The following NRF1 variants were observed in gnomAD, a reference collection of about 807,000 sequenced individuals.
The protein encoded by NRF1 is nuclear respiratory factor 1.
A neutral mutation model predicts 58.5 loss-of-function variants in NRF1; 5 were observed. The observed-to-expected ratio is 0.09, with a 90% confidence interval of 0.04 to 0.18. The LOEUF is 0.18. NRF1 is among the 10% of genes least tolerant of loss of function. The pLI is 1.00. For synonymous variants in NRF1, 224 were observed against 246.7 expected, an observed-to-expected ratio of 0.91 and a Z score of 0.86; for missense variants, 288 against 657.7, an observed-to-expected ratio of 0.44 and a Z score of 6.15.
At chr7:129,725,232 C>T (rs2116243792) in intron 9 of NRF1, among the ~76,000 whole-genome samples, 1 of 152,202 alleles carries the variant, frequency 6.6e-6, no homozygotes, top group African/African-American at 2.4e-5. Context: ...GTATTTAACT[C>T]CCTGAACTGC....
At chr7:129,690,350 C>T in intron 4 of NRF1, 56 bp from the exon 5 acceptor site, 26 of 1,576,270 alleles carry the variant, frequency 1.6e-5, no homozygotes, top group Non-Finnish European at 2.2e-5. Flanking sequence ...TTGCTTGGCA[C>T]CAATCCTCCC....
intron 10 of NRF1, among the ~76,000 whole-genome samples, chr7:129,740,714 C>T (rs769844985): frequency 1.7e-4 from 26 of 152,142 alleles, no homozygotes; most frequent in Non-Finnish European, 3.2e-4. Context: ...TCCCTCTTTG[C>T]GGGTTTAGGT....
At chr7:129,662,908 C>T (rs548449237) in intron 2 of NRF1, among the ~76,000 whole-genome samples, 69 of 152,284 alleles carry the variant, frequency 4.5e-4, no homozygotes, top group Non-Finnish European at 8.2e-4. Context: ...CTGCGGCCTT[C>T]GGCCCTGTTT....
At chr7:129,685,598 T>C (rs1253204916) in intron 4 of NRF1, among the ~76,000 whole-genome samples, 1 of 130,894 alleles carries the variant, frequency 7.6e-6, no homozygotes, top group Non-Finnish European at 1.8e-5. Context: ...TGTGTGTGTG[T>C]GTGTGTATGA....
Position 129,735,808 on chromosome 7 carries a change from A to C in NRF1, c.1348+8443A>C, listed in dbSNP as rs1803695102. On this transcript the variant is annotated intron_variant, in intron 10 of 10. Coordinates refer to ENST00000393232, the MANE Select transcript of NRF1 (RefSeq NM_005011.5). ...TGGATCACGAGGTCAGGAGATCGAG[A>C]CCATCCTGACTAACACGGTGAAACC... Among the ~76,000 whole-genome samples the C allele has an allele frequency of 1.3e-5, 2 of 152,104 alleles. 1 individual carries two copies. Among genetic ancestry groups the C allele is most frequent in the African/African-American group, 4.8e-5 (2 of 41,394 alleles).
chr7:129,706,961 G>A (rs1170497421), intron 5 of NRF1, among the ~76,000 whole-genome samples: 6 of 152,078 alleles, frequency 3.9e-5, no homozygotes, highest in Non-Finnish European at 8.8e-5. Flanking sequence ...ACAGGGTCTT[G>A]CTCTGTCACC....
At chr7:129,722,774 C>T (rs777081221) in intron 9 of NRF1, among the ~76,000 whole-genome samples, 29 of 152,294 alleles carry the variant, frequency 1.9e-4, no homozygotes, top group African/African-American at 5.1e-4. Flanking sequence ...TGGGGAGCTG[C>T]CCTCTCCCTT....
In NRF1 at chr7:129,736,362, A is replaced by G. The variant is rs1364281934; in HGVS notation, c.1348+8997A>G. ...AGTGGCACAATCTTAGCTCACTGCA[A>G]CCTCCACCTCCTGGGTTCAAGCGAT... On this transcript the variant is annotated intron_variant, in intron 10 of 10. Transcript: ENST00000393232. Among the ~76,000 whole-genome samples, 4 of 146,822 alleles carry G rather than the reference A, an allele frequency of 2.7e-5. No individual in the cohort carries two copies. The East Asian group carries it at 6.1e-4, about 22-fold the overall frequency.
At chr7:129,748,221 G>A (rs1221036043) in intron 10 of NRF1, among the ~76,000 whole-genome samples, 1 of 139,340 alleles carries the variant, frequency 7.2e-6, no homozygotes, top group African/African-American at 2.6e-5. Context: ...GCTGCAGTGA[G>A]CCGAGATCAG....
At chr7:129,634,038 A>C in intron 1 of NRF1, among the ~76,000 whole-genome samples, 1 of 87,084 alleles carries the variant, frequency 1.1e-5, no homozygotes. Flanking sequence ...TTAAAAAAAA[A>C]AAAAGATATA....
chr7:129,737,078 A>G (rs1803731736), intron 10 of NRF1, among the ~76,000 whole-genome samples: 1 of 152,240 alleles, frequency 6.6e-6, no homozygotes. Flanking sequence ...TTTAGCTGTC[A>G]GCATCAATTT....
chr7:129,645,011 C>T (rs1217625904), intron 1 of NRF1, among the ~76,000 whole-genome samples: 1 of 151,006 alleles, frequency 6.6e-6, no homozygotes, highest in African/African-American at 2.4e-5. Context: ...GGTCAAAATT[C>T]CTAATGTGAT....
chr7:129,682,462 G>GAA (rs367847224), intron 4 of NRF1, among the ~76,000 whole-genome samples: 1 of 136,532 alleles, frequency 7.3e-6, no homozygotes, highest in Non-Finnish European at 1.6e-5. Context: ...TGTCCCAAAG[G>GAA]AAAAAAAAAA....
At chr7:129,623,476 C>T (rs140512948) in intron 1 of NRF1, among the ~76,000 whole-genome samples, 1 of 151,868 alleles carries the variant, frequency 6.6e-6, no homozygotes, top group Non-Finnish European at 1.5e-5. Context: ...CTCATACACT[C>T]AGTGAAATAT....
chr7:129,619,429 T>TACACACACACACACAC (rs1384098912), intron 1 of NRF1, among the ~76,000 whole-genome samples: 57 of 75,136 alleles, frequency 7.6e-4, no homozygotes, highest in African/African-American at 3.8e-3. Context: ...TATATATATA[T>TACACACACACACACAC]ATATACACAC....
chr7:129,724,208 C>G (rs1355181260), intron 9 of NRF1, among the ~76,000 whole-genome samples: 2 of 152,142 alleles, frequency 1.3e-5, no homozygotes, highest in African/African-American at 2.4e-5. Flanking sequence ...AACAAAAACT[C>G]TATTCAAAAA....
chr7:129,623,092 G>A (rs1360832980), intron 1 of NRF1, among the ~76,000 whole-genome samples: 1 of 152,190 alleles, frequency 6.6e-6, no homozygotes, highest in Non-Finnish European at 1.5e-5. Context: ...GTAACTTGGA[G>A]TAAGGGTGTA....
intron 10 of NRF1, among the ~76,000 whole-genome samples, chr7:129,732,508 C>T (rs1011972546): frequency 6.6e-6 from 1 of 152,156 alleles, no homozygotes; most frequent in African/African-American, 2.4e-5. Context: ...ATATAGCTGA[C>T]ACTTTTCCTA....
intron 1 of NRF1, among the ~76,000 whole-genome samples, chr7:129,655,563 C>G (rs1416219456): frequency 2.0e-5 from 3 of 151,976 alleles, no homozygotes; most frequent in African/African-American, 7.2e-5. Flanking sequence ...GCTGTGTCAC[C>G]CAGGCTGGAG....
Sources: allele counts gnomAD v4.1 joint callset (sites outside exome capture counted in the v4.1 genomes callset), GRCh38; gene constraint gnomAD v4.1.1; transcripts MANE v1.5; gene names NCBI Gene and HGNC (gene_info 2026-07-23, HGNC 2026-07-21).